CSMD1: variants seen among roughly 807,000 people sequenced by gnomAD.
The protein encoded by CSMD1 is CUB and Sushi multiple domains 1.
A neutral mutation model predicts 417.5 loss-of-function variants in CSMD1; 213 were observed. That is an observed-to-expected ratio of 0.51 (90% CI 0.46 to 0.57). The LOEUF (loss-of-function observed/expected upper bound fraction) is 0.57, where lower values mean the gene tolerates loss of function less well. Ranked by LOEUF, CSMD1 falls within the 20% of genes least tolerant of loss-of-function variation. CSMD1 has a pLI of 0.00. For synonymous variants in CSMD1, 2,862 were observed against 1,736.8 expected (o/e 1.65, Z -16.11); for missense variants, 6,923 against 4,529.7 (o/e 1.53, Z -15.17).
At chr8:4,711,554 A>C (rs1321774398) in intron 1 of CSMD1, among the ~76,000 whole-genome samples, 1 of 152,194 alleles carries the variant, frequency 6.6e-6, no homozygotes, top group Admixed American at 6.5e-5. Flanking sequence ...GGTTTTCAAC[A>C]AAGGACAGAG....
chr8:4,932,655 T>C (rs183316464), intron 1 of CSMD1, among the ~76,000 whole-genome samples: 1 of 152,298 alleles, frequency 6.6e-6, no homozygotes, highest in African/African-American at 2.4e-5. Flanking sequence ...CAGGACAAAT[T>C]GGTAAAGGCT....
At chr8:3,435,046 G>T (rs2117035636) in intron 12 of CSMD1, among the ~76,000 whole-genome samples, 1 of 152,246 alleles carries the variant, frequency 6.6e-6, no homozygotes, top group Non-Finnish European at 1.5e-5. Context: ...TAGCAGAGAG[G>T]ACAGAAGCCC....
At chr8:4,015,722 T>C (rs567108850) in intron 4 of CSMD1, among the ~76,000 whole-genome samples, 6 of 150,530 alleles carry the variant, frequency 4.0e-5, no homozygotes, top group African/African-American at 7.3e-5. Flanking sequence ...TCTAAAACTG[T>C]TGAAAAATAC....
intron 1 of CSMD1, among the ~76,000 whole-genome samples, chr8:4,970,832 A>T (rs1054030117): frequency 1.3e-5 from 2 of 152,066 alleles, no homozygotes; most frequent in African/African-American, 4.8e-5. Flanking sequence ...CTAGTCATCA[A>T]AATCAAAGTA....
chr8:3,973,821 T>G (rs961979973), intron 5 of CSMD1, among the ~76,000 whole-genome samples: 2 of 152,184 alleles, frequency 1.3e-5, no homozygotes, highest in Admixed American at 1.3e-4. Flanking sequence ...GCCTTTTATG[T>G]GTTTAATATG....
At chr8:3,785,288 T>C (rs574656079) in intron 5 of CSMD1, among the ~76,000 whole-genome samples, 2 of 152,354 alleles carry the variant, frequency 1.3e-5, no homozygotes, top group African/African-American at 2.4e-5. Context: ...GAAGCATTTA[T>C]AAAATAAATG....
intron 4 of CSMD1, among the ~76,000 whole-genome samples, chr8:4,022,166 A>G (rs1796821304): frequency 1.6e-5 from 2 of 123,730 alleles, no homozygotes; most frequent in Non-Finnish European, 3.3e-5. Flanking sequence ...ATATATTAAT[A>G]TATATGTATA....
intron 2 of CSMD1, among the ~76,000 whole-genome samples, chr8:4,458,954 G>A (rs1055846024): frequency 6.6e-6 from 1 of 152,138 alleles, no homozygotes; most frequent in Non-Finnish European, 1.5e-5. Flanking sequence ...GTAAACCAAC[G>A]AGGAAACATC....
At chr8:4,736,185 A>T (rs1810223127) in intron 1 of CSMD1, among the ~76,000 whole-genome samples, 1 of 152,150 alleles carries the variant, frequency 6.6e-6, no homozygotes, top group African/African-American at 2.4e-5. Context: ...CTTCTTCTCT[A>T]TGTTTAATTA....
At chr8:3,536,252 A>G (rs1161623210) in intron 10 of CSMD1, among the ~76,000 whole-genome samples, 1 of 152,200 alleles carries the variant, frequency 6.6e-6, no homozygotes, top group East Asian at 1.9e-4. Flanking sequence ...AAATGAGCTG[A>G]GTTAATAAGT....
At chr8:4,929,433 G>C (rs1371467010) in intron 1 of CSMD1, among the ~76,000 whole-genome samples, 1 of 152,170 alleles carries the variant, frequency 6.6e-6, no homozygotes, top group Non-Finnish European at 1.5e-5. Flanking sequence ...ATTTCTATTA[G>C]AAGTTTAATT....
chr8:3,262,826 A>G (rs1801179986), intron 26 of CSMD1, among the ~76,000 whole-genome samples: 1 of 152,244 alleles, frequency 6.6e-6, no homozygotes, highest in Admixed American at 6.5e-5. Flanking sequence ...AAGTAAATGA[A>G]TTCTACAATC....
intron 5 of CSMD1, among the ~76,000 whole-genome samples, chr8:3,837,673 A>T (rs1802798875): frequency 6.6e-6 from 1 of 152,156 alleles, no homozygotes; most frequent in Non-Finnish European, 1.5e-5. Flanking sequence ...AGGCACAGGG[A>T]TGTCTGCTCT....
chr8:4,307,491 A>C (rs1310307298), intron 3 of CSMD1, among the ~76,000 whole-genome samples: 1 of 152,110 alleles, frequency 6.6e-6, no homozygotes, highest in Non-Finnish European at 1.5e-5. Context: ...ACAGGAAATA[A>C]AACTTCACTA....
chr8:3,142,132 C>G (rs983646898), intron 41 of CSMD1, among the ~76,000 whole-genome samples: 1 of 152,176 alleles, frequency 6.6e-6, no homozygotes, highest in Non-Finnish European at 1.5e-5. Context: ...TCCCTGAATG[C>G]TGGGGAGACT....
chr8:4,111,367 T>C (rs1027075058), intron 3 of CSMD1, among the ~76,000 whole-genome samples: 6 of 152,144 alleles, frequency 3.9e-5, no homozygotes, highest in African/African-American at 1.2e-4. Context: ...ATTGATGAAA[T>C]ACACATGGAA....
At chr8:3,277,241 G>A (rs987641792) in intron 26 of CSMD1, among the ~76,000 whole-genome samples, 1 of 152,132 alleles carries the variant, frequency 6.6e-6, no homozygotes, top group African/African-American at 2.4e-5. Context: ...GCAGTGGGGA[G>A]AATGAGAAGT....
At chr8:4,485,729 T>A (rs996160401) in intron 2 of CSMD1, among the ~76,000 whole-genome samples, 1 of 152,148 alleles carries the variant, frequency 6.6e-6, no homozygotes, top group Non-Finnish European at 1.5e-5. Context: ...GTACATAATC[T>A]TAATCCCAAT....
chr8:4,648,552 T>G (rs1390575330), intron 1 of CSMD1, among the ~76,000 whole-genome samples: 1 of 152,160 alleles, frequency 6.6e-6, no homozygotes, highest in Non-Finnish European at 1.5e-5. Flanking sequence ...TAACTTATAT[T>G]TGGGTTTAGT....
Sources: allele counts gnomAD v4.1 joint callset (sites outside exome capture counted in the v4.1 genomes callset), GRCh38; gene constraint gnomAD v4.1.1; transcripts MANE v1.5; gene names NCBI Gene and HGNC (gene_info 2026-07-23, HGNC 2026-07-21).